HRH2: variants seen among roughly 807,000 people sequenced by gnomAD.
HRH2 encodes histamine receptor H2.
A neutral mutation model predicts 20.1 loss-of-function variants in HRH2; 4 were observed. That is an observed-to-expected ratio of 0.20 (90% CI 0.10 to 0.45). The LOEUF (loss-of-function observed/expected upper bound fraction) is 0.45, where lower values mean the gene tolerates loss of function less well. Among genes scored for constraint, HRH2 ranks in the 20% least tolerant of loss-of-function variants. HRH2 has a pLI of 0.99. For synonymous variants in HRH2, 197 were observed against 200.7 expected (o/e 0.98, Z 0.16); for missense variants, 250 against 461.6 (o/e 0.54, Z 4.20).
chr5:175,703,133 T>C (rs543107692), intron 2 of HRH2, among the ~76,000 whole-genome samples: 2 of 152,336 alleles, frequency 1.3e-5, no homozygotes, highest in African/African-American at 4.8e-5. Flanking sequence ...CTGTCACTAA[T>C]AACTAGAGAG....
chr5:175,698,980 G>A (rs951090900), intron 2 of HRH2, among the ~76,000 whole-genome samples: 2 of 152,210 alleles, frequency 1.3e-5, no homozygotes, highest in South Asian at 2.1e-4. Context: ...CCTGCCATTC[G>A]CACTGCCCCT....
chr5:175,661,264 GTTGCCAGCACACAGGATGTCTCCTCC>G lies in HRH2; in HGVS notation c.-526+3120_-526+3145del, dbSNP rs534593281. Among the ~76,000 whole-genome samples, 1,496 of 152,226 alleles carry G rather than the reference GTTGCCAGCACACAGGATGTCTCCTCC, an allele frequency of 9.8e-3. 16 individuals are homozygous for G. The highest frequency in any genetic ancestry group is 0.034 in the African/African-American group (1,399 of 41,536). On this transcript the variant is annotated intron_variant, in intron 1 of 2. Coordinates refer to ENST00000636584, the MANE Select transcript of HRH2 (RefSeq NM_001367711.1). ...AGGGCTCCTTAAAGATGGGGATGAT[GTTGCCAGCACACAGGATGTCTCCTCC>G]TTGCCAGCACCCAGGATGGGGCTGG... is the stretch of plus-strand genomic sequence containing the variant.
At chr5:175,685,414 G>T in intron 2 of HRH2, 1 of 1,550,932 alleles carries the variant, frequency 6.4e-7, no homozygotes, top group South Asian at 1.2e-5. Context: ...CACAGACCAT[G>T]GCTTTGCCTT....
chr5:175,698,720 T>A (rs958580294), intron 2 of HRH2, among the ~76,000 whole-genome samples: 25 of 152,146 alleles, frequency 1.6e-4, no homozygotes, highest in Admixed American at 7.2e-4. Context: ...AAAATTCCCT[T>A]TATGGGCCTA....
intron 1 of HRH2, among the ~76,000 whole-genome samples, chr5:175,669,944 T>G (rs1755463795): frequency 6.6e-6 from 1 of 152,242 alleles, no homozygotes; most frequent in Non-Finnish European, 1.5e-5. Flanking sequence ...TGGACACTTC[T>G]GTGACTTGAT....
chr5:175,696,442 T>C (rs750045764), intron 2 of HRH2, among the ~76,000 whole-genome samples: 1 of 152,302 alleles, frequency 6.6e-6, no homozygotes, highest in South Asian at 2.1e-4. Context: ...GCTCCACAAC[T>C]CACTGTGAGT....
chr5:175,659,489 C>T (rs927783870), intron 1 of HRH2, among the ~76,000 whole-genome samples: 2 of 152,104 alleles, frequency 1.3e-5, no homozygotes, highest in African/African-American at 4.8e-5. Flanking sequence ...GCCTGGTACT[C>T]GGTGCATTAC....
At chr5:175,702,101 A>G (rs945525329) in intron 2 of HRH2, among the ~76,000 whole-genome samples, 16 of 152,202 alleles carry the variant, frequency 1.1e-4, no homozygotes, top group African/African-American at 3.6e-4. Context: ...ATGGGGGGCA[A>G]GTAAGAGAGA....
chr5:175,671,635 G>C (rs1018089737), intron 1 of HRH2, among the ~76,000 whole-genome samples: 1 of 152,150 alleles, frequency 6.6e-6, no homozygotes, highest in Middle Eastern at 3.2e-3. Flanking sequence ...TACATACAAA[G>C]TGCCAGGTAT....
rs1010339964 is a variant in HRH2 at position 175,683,113 on chromosome 5, C to T, written c.-121C>T. The T allele has an allele frequency of 1.7e-4, 79 of 454,644 alleles. No homozygotes were observed. The African/African-American group carries it at 3.0e-3, about 17-fold the overall frequency. The allele number at this position is 454,644 out of a possible 1,614,324, so 28.2% of individuals were successfully genotyped here. A position where few individuals can be genotyped will look rare whatever the true frequency, so the allele number is the denominator to read the frequency against. On this transcript the variant is annotated 5_prime_UTR_variant, in exon 2 of 3. Transcript: ENST00000636584. ...GGCCAAAAAAAAAAAAAAAAAAAAA[C>T]TGGACACATTTTGGATCTGTTGGGA...
In HRH2 at chr5:175,683,118, C is replaced by T. The variant is rs1239428598; in HGVS notation, c.-116C>T. 2.3e-6 allele frequency: 2 copies of T among 857,924 alleles called. No homozygotes were observed. Among genetic ancestry groups the T allele is most frequent in the Non-Finnish European group, 3.4e-6 (2 of 595,604 alleles). The allele number at this position is 857,924 out of a possible 1,614,324, so 53.1% of individuals were successfully genotyped here. A position where few individuals can be genotyped will look rare whatever the true frequency, so the allele number is the denominator to read the frequency against. On this transcript the variant is annotated 5_prime_UTR_variant, in exon 2 of 3. Transcript: ENST00000636584. ...AAAAAAAAAAAAAAAAAAAACTGGACACATTTTGGATCTGTTGGGAGCTTG... is the reference window on the plus strand; with the variant it reads ...AAAAAAAAAAAAAAAAAAAACTGGATACATTTTGGATCTGTTGGGAGCTTG...
intron 2 of HRH2, among the ~76,000 whole-genome samples, chr5:175,697,462 C>CAAAAAAA (rs60466733): frequency 0.06 from 4,900 of 81,884 alleles, 92 homozygotes; most frequent in East Asian, 0.1. Flanking sequence ...GACTCCGTCT[C>CAAAAAAA]AAAAAAAAAA....
At position 175,708,416 on chromosome 5, in the gene HRH2, A is replaced by T. The variant is rs1757009917; in HGVS notation, c.*445A>T. ...TGAAGGAAAGGAAAGGAAAAGACAGAGAAAGGAAGGAAATAGCTTTTCATG... is the reference window on the plus strand; with the variant it reads ...TGAAGGAAAGGAAAGGAAAAGACAGTGAAAGGAAGGAAATAGCTTTTCATG... On this transcript the variant is annotated 3_prime_UTR_variant, in exon 3 of 3. Transcript: ENST00000636584. 6.5e-6 allele frequency: 1 copy of T among 154,674 alleles called. No homozygotes were observed. The allele number at this position is 154,674 out of a possible 1,614,324, so 9.6% of individuals were successfully genotyped here.
rs1581434691 is a variant in HRH2 at position 175,682,700 on chromosome 5, C to G, written c.-525-9C>G. ...CAAGGTGCTTAACATCCAACCTTTG[C>G]CTTTTCAGCTCCTGCCCTCCACTGA... On this transcript the variant is annotated splice_polypyrimidine_tract_variant and intron_variant, in intron 1 of 2. Transcript: ENST00000636584. 6.4e-6 allele frequency: 1 copy of G among 155,656 alleles called. No individual in the cohort carries two copies. The highest frequency in any genetic ancestry group is 2.4e-5 in the African/African-American group (1 of 41,430). The allele number at this position is 155,656 out of a possible 1,614,324, so 9.6% of individuals were successfully genotyped here. A position where few individuals can be genotyped will look rare whatever the true frequency, so the allele number is the denominator to read the frequency against.
At chr5:175,690,243 G>A (rs1756321735) in intron 2 of HRH2, among the ~76,000 whole-genome samples, 1 of 152,218 alleles carries the variant, frequency 6.6e-6, no homozygotes, top group Admixed American at 6.5e-5. Context: ...TTGTGAAGCT[G>A]CTGCCCCATC....
At chr5:175,689,360 C>A (rs537915289) in intron 2 of HRH2, among the ~76,000 whole-genome samples, 1 of 150,612 alleles carries the variant, frequency 6.6e-6, no homozygotes. Flanking sequence ...ATTGGTTTAA[C>A]GTCTGCTCCC....
At chr5:175,675,995 C>T (rs960467721) in intron 1 of HRH2, among the ~76,000 whole-genome samples, 5 of 149,034 alleles carry the variant, frequency 3.4e-5, no homozygotes, top group Non-Finnish European at 6.0e-5. Context: ...TGTGTAGATG[C>T]GTGGGTACGC....
At chr5:175,692,693 G>A (rs1294599181) in intron 2 of HRH2, among the ~76,000 whole-genome samples, 1 of 152,202 alleles carries the variant, frequency 6.6e-6, no homozygotes, top group Non-Finnish European at 1.5e-5. Flanking sequence ...CTACTGAATT[G>A]TTCCAGGGGG....
intron 1 of HRH2, among the ~76,000 whole-genome samples, chr5:175,674,543 G>T (rs540669661): frequency 8.9e-4 from 136 of 152,136 alleles, no homozygotes; most frequent in African/African-American, 3.2e-3. Flanking sequence ...CACACGTCTC[G>T]GGGGTAGTGA....
Sources: allele counts gnomAD v4.1 joint callset (sites outside exome capture counted in the v4.1 genomes callset), GRCh38; gene constraint gnomAD v4.1.1; transcripts MANE v1.5; gene names NCBI Gene and HGNC (gene_info 2026-07-23, HGNC 2026-07-21).